Variants in EDIL3 observed in about 807,000 individuals in gnomAD.
EDIL3 encodes EGF like and discoidin domains 3, also known as EGF-like repeat and discoidin I-like domain-containing protein 3.
Under a neutral mutation model 67.4 loss-of-function variants are expected in EDIL3, and 37 were observed. The observed-to-expected ratio is 0.55, with a 90% CI of 0.42 to 0.72. The LOEUF (loss-of-function observed/expected upper bound fraction) is 0.72. EDIL3 is among the 30% of genes least tolerant of loss of function. EDIL3 has a pLI of 0.00. For missense variants in EDIL3, 527 were observed against 586.3 expected, an observed-to-expected ratio of 0.90 and a Z score of 1.04; for synonymous variants, 195 against 196.3, an observed-to-expected ratio of 0.99 and a Z score of 0.05.
intron 1 of EDIL3, among the ~76,000 whole-genome samples, chr5:84,383,573 G>C (rs1402113588): frequency 6.6e-6 from 1 of 152,200 alleles, no homozygotes; most frequent in South Asian, 2.1e-4. Flanking sequence ...GCGAGGGGTG[G>C]CTTGCCCCGC....
intron 1 of EDIL3, among the ~76,000 whole-genome samples, chr5:84,299,681 C>T (rs535843642): frequency 6.6e-6 from 1 of 152,246 alleles, no homozygotes; most frequent in Non-Finnish European, 1.5e-5. Flanking sequence ...TTCATATGTA[C>T]AAAGTTTCAT....
intron 9 of EDIL3, among the ~76,000 whole-genome samples, chr5:83,991,405 T>G (rs1745148322): frequency 6.6e-6 from 1 of 152,206 alleles, no homozygotes; most frequent in Non-Finnish European, 1.5e-5. Context: ...TCTATCTTAC[T>G]GATTCTGCCT....
At chr5:83,944,831 AAAACATAACT>A (rs1359002217) in intron 10 of EDIL3, among the ~76,000 whole-genome samples, 1 of 151,984 alleles carries the variant, frequency 6.6e-6, no homozygotes, top group Non-Finnish European at 1.5e-5. Flanking sequence ...GTTTGGCATC[AAAACATAACT>A]ATGTGGCCAG....
chr5:84,294,259 C>T (rs1335904884), intron 1 of EDIL3, among the ~76,000 whole-genome samples: 1 of 151,540 alleles, frequency 6.6e-6, no homozygotes, highest in African/African-American at 2.4e-5. Context: ...GTGGCGGGCA[C>T]CTGTAGTCCC....
chr5:84,277,069 T>G (rs1745596972), intron 1 of EDIL3, among the ~76,000 whole-genome samples: 1 of 152,208 alleles, frequency 6.6e-6, no homozygotes, highest in Non-Finnish European at 1.5e-5. Flanking sequence ...TGCTACTTAT[T>G]ACATAAAGTA....
chr5:84,032,510 T>C (rs990851802), intron 9 of EDIL3, among the ~76,000 whole-genome samples: 1 of 152,204 alleles, frequency 6.6e-6, no homozygotes, highest in Non-Finnish European at 1.5e-5. Context: ...TCACATTCTT[T>C]TTTTTTAAAT....
chr5:84,203,649 C>A (rs988957857), intron 3 of EDIL3, among the ~76,000 whole-genome samples: 5 of 152,128 alleles, frequency 3.3e-5, no homozygotes, highest in African/African-American at 9.7e-5. Context: ...AACTGAGTGA[C>A]TATTATAAAA....
chr5:84,119,176 T>C (rs1197891085), intron 5 of EDIL3, among the ~76,000 whole-genome samples: 1 of 148,928 alleles, frequency 6.7e-6, no homozygotes, highest in African/African-American at 2.5e-5. Flanking sequence ...GGTTTAAACA[T>C]ATGCTACCAG....
chr5:83,979,043 G>A (rs1744921360), intron 9 of EDIL3, among the ~76,000 whole-genome samples: 1 of 151,902 alleles, frequency 6.6e-6, no homozygotes, highest in Non-Finnish European at 1.5e-5. Context: ...TCTTACAAAA[G>A]TCCTAAGAAC....
chr5:84,243,924 C>T (rs1744847988), intron 2 of EDIL3, among the ~76,000 whole-genome samples: 1 of 152,146 alleles, frequency 6.6e-6, no homozygotes, highest in African/African-American at 2.4e-5. Context: ...TACCCATGTA[C>T]TTTAAGCATA....
In EDIL3 at chr5:84,058,768, C is replaced by T. The variant is rs73769712; in HGVS notation, c.1137+1532G>A. The stretch of plus-strand genomic sequence containing the variant: ...GGTAATATCTTAATGTCTTAAGCAA[C>T]AGTGTGTTGCTCACTTATATGTCAT... On this transcript the variant is annotated intron_variant, in intron 9 of 10. Coordinates refer to ENST00000296591, the MANE Select transcript of EDIL3 (RefSeq NM_005711.5). Among the ~76,000 whole-genome samples the T allele has an allele frequency of 6.7e-3, 1,023 of 152,252 alleles. 15 individuals are homozygous for T. The highest frequency in any genetic ancestry group is 0.024 in the African/African-American group (991 of 41,562).
At chr5:84,081,132 G>A (rs946645075) in intron 6 of EDIL3, among the ~76,000 whole-genome samples, 15 of 152,218 alleles carry the variant, frequency 9.9e-5, no homozygotes, top group African/African-American at 3.6e-4. Flanking sequence ...GGTGAAAGCT[G>A]TTGGCATTTC....
At position 83,966,676 on chromosome 5, in the gene EDIL3, C is replaced by G. The variant is rs142495383; in HGVS notation, c.1138-3316G>C. Reference sequence around the variant, plus strand: ...TTCCTGATCTGAGAAATGAGGATAACAATTCTCATAGGACTTTATGAGAAT... The same window carrying G: ...TTCCTGATCTGAGAAATGAGGATAAGAATTCTCATAGGACTTTATGAGAAT... On this transcript the variant is annotated intron_variant, in intron 9 of 10. Coordinates refer to ENST00000296591, the MANE Select transcript of EDIL3 (RefSeq NM_005711.5). Among the ~76,000 whole-genome samples, 231 of 152,060 alleles carry G rather than the reference C, an allele frequency of 1.5e-3. 2 individuals carry two copies. The highest frequency in any genetic ancestry group is 5.3e-3 in the African/African-American group (219 of 41,500).
chr5:84,066,599 A>C lies in EDIL3; in HGVS notation c.659T>G (p.Leu220Trp). 1.2e-6 allele frequency: 2 copies of C among 1,611,996 alleles called. No individual in the cohort carries two copies. The highest frequency in any genetic ancestry group is 1.7e-6 in the Non-Finnish European group (2 of 1,179,534). ...NDRWPWIQINLQRKMRVTGVI... is the reference protein window; with the variant it reads ...NDRWPWIQINWQRKMRVTGVI... ...ACCAGTAACTCTCATTTTCCTTTGC[A>C]AATTTATCTGAAAAGACGAGCACAA... Residue 220 changes from leucine to tryptophan, a missense_variant, in exon 7 of 11, where the codon TTG becomes TGG. Coordinates refer to ENST00000296591, the MANE Select transcript of EDIL3 (RefSeq NM_005711.5).
chr5:84,380,244 AT>A (rs1748047232), intron 1 of EDIL3, among the ~76,000 whole-genome samples: 1 of 152,098 alleles, frequency 6.6e-6, no homozygotes, highest in East Asian at 1.9e-4. Context: ...TATATAGTCT[AT>A]AACTATAGAA....
intron 3 of EDIL3, among the ~76,000 whole-genome samples, chr5:84,214,249 T>C (rs1314104248): frequency 6.6e-6 from 1 of 152,184 alleles, no homozygotes; most frequent in East Asian, 1.9e-4. Context: ...GTAATGGATT[T>C]TTTTCTGCCA....
intron 2 of EDIL3, among the ~76,000 whole-genome samples, chr5:84,249,749 A>G (rs965037834): frequency 5.9e-5 from 9 of 152,214 alleles, no homozygotes; most frequent in Non-Finnish European, 1.3e-4. Flanking sequence ...GTTATGCCAC[A>G]GAACTTGTAC....
chr5:84,064,065 T>C (rs1416250254), intron 8 of EDIL3, among the ~76,000 whole-genome samples: 1 of 152,164 alleles, frequency 6.6e-6, no homozygotes, highest in African/African-American at 2.4e-5. Flanking sequence ...GGGACAAGAA[T>C]TATTTAACTC....
chr5:84,138,579 T>C (rs1748133535), intron 4 of EDIL3, among the ~76,000 whole-genome samples: 1 of 152,216 alleles, frequency 6.6e-6, no homozygotes, highest in South Asian at 2.1e-4. Context: ...TTACAGTTGC[T>C]TAAAGCAAGA....
Sources: gnomAD v4.1 joint callset for allele counts (sites outside exome capture counted in the v4.1 genomes callset) on GRCh38, gnomAD v4.1.1 for gene constraint, MANE v1.5 for transcripts, NCBI Gene and HGNC (gene_info 2026-07-23, HGNC 2026-07-21) for gene names.